NME4: variants seen among roughly 807,000 people sequenced by gnomAD.
NME4 encodes nucleoside diphosphate kinase D, mitochondrial.
Under a neutral mutation model 16.4 loss-of-function variants are expected in NME4, and 21 were observed. The ratio of observed to expected loss-of-function variants is 1.28; its 90% CI spans 0.91 to 1.84. The LOEUF is 1.84. Ranked by LOEUF, NME4 falls within the 40% of genes most tolerant of loss-of-function variation. NME4 has a pLI of 0.00. For synonymous variants in NME4, 132 were observed against 107.5 expected, an observed-to-expected ratio of 1.23 and a Z score of -1.41; for missense variants, 316 against 261.3, an observed-to-expected ratio of 1.21 and a Z score of -1.44.
At chr16:397,485 C>T (rs1290525664) in intron 1 of NME4, among the ~76,000 whole-genome samples, 172 bp downstream of exon 1, 1 of 138,512 alleles carries the variant, frequency 7.2e-6, no homozygotes, top group East Asian at 2.2e-4. Context: ...CCCGCACGCC[C>T]CTCCAGTGCC....
intron 1 of NME4, chr16:398,256 G>A (rs1029522008): frequency 7.1e-7 from 1 of 1,401,798 alleles, no homozygotes; most frequent in East Asian, 3.7e-5. Context: ...CGCTGACCCT[G>A]GGTCTGGAAG....
intron 1 of NME4, chr16:398,503 C>T (rs1277115061): frequency 3.5e-6 from 3 of 861,896 alleles, no homozygotes; most frequent in Non-Finnish European, 4.6e-6. Flanking sequence ...TGTCGTCATC[C>T]AGAAGGGATG....
Position 400,646 on chromosome 16 carries a change from G to A in NME4, c.*304G>A. 2.9e-6 allele frequency: 1 copy of A among 348,430 alleles called. No homozygotes were observed. Among genetic ancestry groups the A allele is most frequent in the Non-Finnish European group, 5.2e-6 (1 of 191,546 alleles). 21.6% of individuals were successfully genotyped at this position (348,430 alleles called of 1,614,324 possible). A position where few individuals can be genotyped will look rare whatever the true frequency, so the allele number is the denominator to read the frequency against. On this transcript the variant is annotated 3_prime_UTR_variant, in exon 5 of 5. Transcript: ENST00000219479. ...GAGGCATTAAAATTCACTGTGCCCA[G>A]CACATGGGTGGTACACTAATTATGA... is the stretch of plus-strand genomic sequence containing the variant.
chr16:399,452 A>G lies in NME4; in HGVS notation c.299A>G (p.Tyr100Cys), dbSNP rs1299625326. The change falls in exon 3 of 5, where the codon TAC becomes TGC. Residue 100 changes from tyrosine (Y) to cysteine (C), a missense_variant. Tyr to Cys is a radical substitution (Grantham distance 194). Transcript: ENST00000219479. Reference protein sequence around the residue: ...RKPFYPALIRYMSSGPVVAMV... With the variant: ...RKPFYPALIRCMSSGPVVAMV... ...CCCTTCTACCCTGCCCTCATCCGCT[A>G]CATGAGCTCTGGGCCTGTGGTGGCC... 2 of 1,612,974 alleles carry G rather than the reference A, an allele frequency of 1.2e-6. No homozygotes were observed. The highest frequency in any genetic ancestry group is 1.7e-6 in the Non-Finnish European group (2 of 1,179,950).
chr16:397,822 G>A, intron 1 of NME4: 1 of 1,521,030 alleles, frequency 6.6e-7, no homozygotes. Flanking sequence ...CAAGTCCCCG[G>A]CCCCGCCGCT....
chr16:399,883 G>A (rs768617559), intron 4 of NME4, 144 bp downstream of exon 4: 9 of 702,042 alleles, frequency 1.3e-5, no homozygotes, highest in Admixed American at 2.3e-5. Context: ...GGTGAGAGCC[G>A]TGTTCTCCCA....
intron 4 of NME4, 138 bp from the exon 5 acceptor site, chr16:400,081 T>C (rs1412953034): frequency 3.1e-6 from 4 of 1,304,214 alleles, no homozygotes; most frequent in Non-Finnish European, 4.4e-6. Context: ...GTTTCCCAGC[T>C]CCACTGTTAC....
In NME4 at chr16:397,345, C is replaced by CGG. The variant is rs1167077719; in HGVS notation, c.91+33_91+34dup. 5.3e-6 allele frequency: 5 copies of CGG among 934,790 alleles called. No homozygotes were observed. In the African/African-American group the frequency reaches 9.1e-5, roughly 17 times the overall value. 57.9% of individuals were successfully genotyped at this position (934,790 alleles called of 1,614,324 possible). On this transcript the variant is annotated intron_variant, in intron 1 of 4. Transcript: ENST00000219479. Reference sequence around the variant, plus strand: ...GGGGCCGCGCGCCCCGGCGGGGACGCGGAGGGGAGGAAGGGGCGCGCGCCG... The same window carrying CGG: ...GGGGCCGCGCGCCCCGGCGGGGACGCGGGGAGGGGAGGAAGGGGCGCGCGCCG...
chr16:399,525 G>A (rs952420888), intron 3 of NME4, 45 bp downstream of exon 3: 21 of 1,595,938 alleles, frequency 1.3e-5, no homozygotes, highest in Middle Eastern at 3.3e-4. Flanking sequence ...GGTAAAGGGC[G>A]TGTGGGTGTG....
At chr16:397,415 C>T (rs1303830443) in intron 1 of NME4, 102 bp downstream of exon 1, 2 of 385,930 alleles carry the variant, frequency 5.2e-6, no homozygotes, top group African/African-American at 2.3e-5. Context: ...CCGACTCCCC[C>T]AGAGGCCTCG....
At chr16:399,267 T>G (rs780995233) in intron 2 of NME4, 112 bp from the exon 3 acceptor site, 2 of 1,393,968 alleles carry the variant, frequency 1.4e-6, no homozygotes, top group Non-Finnish European at 2.0e-6. Context: ...GCGGTGGGGG[T>G]GCTGCCCATG....
chr16:399,285 T>C, intron 2 of NME4, 94 bp from the exon 3 acceptor site: 3 of 1,421,244 alleles, frequency 2.1e-6, no homozygotes, highest in Non-Finnish European at 3.0e-6. Flanking sequence ...ATGCTGGTGT[T>C]ATCTGCAAGG....
intron 1 of NME4, 77 bp from the exon 2 acceptor site, chr16:398,913 G>A: frequency 6.3e-7 from 1 of 1,584,104 alleles, no homozygotes; most frequent in South Asian, 1.1e-5. Context: ...TGACCCCTGG[G>A]CTCTGGCTGG....
chr16:399,568 T>C (rs753912449), intron 3 of NME4, 59 bp from the exon 4 acceptor site: 106 of 1,585,688 alleles, frequency 6.7e-5, no homozygotes, highest in Non-Finnish European at 8.4e-5. Context: ...GGGCCCTGGA[T>C]TGAGCCCAGG....
intron 2 of NME4, 89 bp downstream of exon 2, chr16:399,212 C>G: frequency 6.4e-7 from 1 of 1,554,372 alleles, no homozygotes; most frequent in Non-Finnish European, 8.9e-7. Flanking sequence ...AGCGCCGGGG[C>G]AGGGCCTGGC....
chr16:399,165 G>A (rs1262485895), intron 2 of NME4, 42 bp downstream of exon 2: 2 of 1,602,174 alleles, frequency 1.2e-6, no homozygotes, highest in East Asian at 4.5e-5. Context: ...GTGGGGATGG[G>A]GTTGGGGGAT....
intron 1 of NME4, chr16:398,758 G>T: frequency 3.3e-6 from 2 of 607,322 alleles, no homozygotes; most frequent in Non-Finnish European, 5.7e-6. Context: ...GAGGAGCCAT[G>T]GCCCCTGGGA....
chr16:397,205 G>C lies in NME4; in HGVS notation c.-18G>C. The C allele has an allele frequency of 1.0e-6, 1 of 997,046 alleles. No homozygotes were observed. 61.8% of individuals were successfully genotyped at this position (997,046 alleles called of 1,614,324 possible). A position where few individuals can be genotyped will look rare whatever the true frequency, so the allele number is the denominator to read the frequency against. On this transcript the variant is annotated 5_prime_UTR_variant, in exon 1 of 5. Transcript: ENST00000219479. ...GCGCCCGCTCCTCGCGCTCACAGCG[G>C]CCCGCGGGCCGGGCGTCATGGGCGG...
rs964685790 is a variant in NME4 at position 397,229 on chromosome 16, G to C, written c.7G>C (p.Gly3Arg). The part of the protein sequence containing the change: MG[G>R]LFWRSALRGL... ...GGCCCGCGGGCCGGGCGTCATGGGC[G>C]GCCTCTTCTGGCGCTCCGCGCTGCG... Residue 3 changes from glycine (G) to arginine (R), a missense_variant, in exon 1 of 5, where the codon GGC (glycine) becomes CGC (arginine). Coordinates refer to ENST00000219479, the MANE Select transcript of NME4 (RefSeq NM_005009.3). 9.7e-7 allele frequency: 1 copy of C among 1,028,784 alleles called. No individual in the cohort carries two copies. The highest frequency in any genetic ancestry group is 1.2e-6 in the Non-Finnish European group (1 of 860,134). The allele number at this position is 1,028,784 out of a possible 1,614,324, so 63.7% of individuals were successfully genotyped here. A position where few individuals can be genotyped will look rare whatever the true frequency, so the allele number is the denominator to read the frequency against.
Sources: gnomAD v4.1 joint callset for allele counts (sites outside exome capture counted in the v4.1 genomes callset) on GRCh38, gnomAD v4.1.1 for gene constraint, MANE v1.5 for transcripts, NCBI Gene and HGNC (gene_info 2026-07-23, HGNC 2026-07-21) for gene names.